SPOUT1: variants seen among roughly 807,000 people sequenced by gnomAD.
The protein encoded by SPOUT1 is SPOUT domain containing methyltransferase 1.
A neutral mutation model predicts 54.8 loss-of-function variants in SPOUT1; 40 were observed. That is an observed-to-expected ratio of 0.73 (90% CI 0.57 to 0.95). The LOEUF is 0.95. Among genes scored for constraint, SPOUT1 ranks in the 40% least tolerant of loss-of-function variants. The pLI is 0.00. For missense variants in SPOUT1, 437 were observed against 499.5 expected (o/e 0.87, Z 1.19); for synonymous variants, 193 against 200.3 (o/e 0.96, Z 0.31).
At position 128,822,279 on chromosome 9, in the gene SPOUT1, T is replaced by G; in HGVS notation, c.*486A>C. 3 of 1,587,058 alleles carry G rather than the reference T, an allele frequency of 1.9e-6. No individual in the cohort carries two copies. The highest frequency in any genetic ancestry group is 2.6e-6 in the Non-Finnish European group (3 of 1,166,682). On this transcript the variant is annotated 3_prime_UTR_variant, in exon 12 of 12. Coordinates refer to ENST00000361256, the MANE Select transcript of SPOUT1 (RefSeq NM_016390.4). ...GGAAGGCTGCCTGGAAGAGGTGGCT[T>G]TGGGTTCATCCAGGCCCCCTGCCCA... is the stretch of plus-strand genomic sequence containing the variant.
chr9:128,827,333 C>G, intron 3 of SPOUT1, 142 bp from the exon 4 acceptor site: 1 of 713,154 alleles, frequency 1.4e-6, no homozygotes, highest in Non-Finnish European at 2.3e-6. Flanking sequence ...AGATCCAGCT[C>G]CCCTCTCTGG....
chr9:128,822,686 G>T lies in SPOUT1; in HGVS notation c.*79C>A, dbSNP rs1564434313. The T allele has an allele frequency of 6.4e-7, 1 of 1,553,398 alleles. No homozygotes were observed. The highest frequency in any genetic ancestry group is 1.4e-5 in the African/African-American group (1 of 73,246). The stretch of plus-strand genomic sequence containing the variant: ...GGTGGTGATTTTTGGAGACAAGTCT[G>T]GTGGCGTCCGTCCCAAGTGACCTGC... On this transcript the variant is annotated 3_prime_UTR_variant, in exon 12 of 12. Coordinates refer to ENST00000361256, the MANE Select transcript of SPOUT1 (RefSeq NM_016390.4).
chr9:128,822,416 A>G lies in SPOUT1; in HGVS notation c.*349T>C, dbSNP rs550909628. On this transcript the variant is annotated 3_prime_UTR_variant, in exon 12 of 12. Coordinates refer to ENST00000361256, the MANE Select transcript of SPOUT1 (RefSeq NM_016390.4). ...GCCCACACACTTCTTCAAGGTGCTG[A>G]TCCTGGAGGCAGCAGGTGGGCAAAT... 6 of 1,609,578 alleles carry G rather than the reference A, an allele frequency of 3.7e-6. No individual in the cohort carries two copies. In the African/African-American group the frequency reaches 8.0e-5, roughly 21 times the overall value.
At position 128,825,041 on chromosome 9, in the gene SPOUT1, C is replaced by T; in HGVS notation, c.648G>A (p.Lys216=). ...FVNCGMKKEV[K]IDKNLEPGLR... is the part of the protein sequence containing the mutation. ...GCCCGGGCTCCAGGTTCTTGTCAAT[C>T]TTCACCTCCTGGGGAGAAGCCAGAA... The change falls in exon 8 of 12, where the codon AAG becomes AAA. Residue 216 remains lysine (K), a synonymous_variant. Coordinates refer to ENST00000361256, the MANE Select transcript of SPOUT1 (RefSeq NM_016390.4). 1 of 1,569,394 alleles carries T rather than the reference C, an allele frequency of 6.4e-7. No homozygotes were observed. The highest frequency in any genetic ancestry group is 8.6e-7 in the Non-Finnish European group (1 of 1,156,844).
intron 11 of SPOUT1, 68 bp from the exon 12 acceptor site, chr9:128,822,901 C>T: frequency 8.2e-7 from 1 of 1,216,208 alleles, no homozygotes; most frequent in Non-Finnish European, 1.2e-6. Context: ...CCCAGCCTGT[C>T]TTCAGTGCCT....
At position 128,823,846 on chromosome 9, in the gene SPOUT1, C is replaced by T. The variant is rs1467056388; in HGVS notation, c.963G>A (p.Ala321=). 7 of 1,612,970 alleles carry T rather than the reference C, an allele frequency of 4.3e-6. No individual in the cohort carries two copies. Among genetic ancestry groups the T allele is most frequent in the African/African-American group, 4.0e-5 (3 of 74,902 alleles). The change falls in exon 11 of 12, where the codon GCG becomes GCA. Residue 321 remains alanine (A), a synonymous_variant. Coordinates refer to ENST00000361256, the MANE Select transcript of SPOUT1 (RefSeq NM_016390.4). ...FGGLQGLEAG[A]DADPNLEVAE... ...CCACCTCCAGGTTGGGGTCAGCATC[C>T]GCTCCAGCTTCCAGACCCTGGAGGC... is the stretch of plus-strand genomic sequence containing the variant.
chr9:128,829,162 A>G lies in SPOUT1; in HGVS notation c.37-7T>C. 4.3e-6 allele frequency: 7 copies of G among 1,613,028 alleles called. No homozygotes were observed. Among genetic ancestry groups the G allele is most frequent in the Non-Finnish European group, 5.9e-6 (7 of 1,179,076 alleles). On this transcript the variant is annotated splice_polypyrimidine_tract_variant and splice_region_variant and intron_variant, in intron 1 of 11. Coordinates refer to ENST00000361256, the MANE Select transcript of SPOUT1 (RefSeq NM_016390.4). ...TCCTTTGGCCGTGTTCACCCTGGAG[A>G]AGGAGTGGTAGGAGGATTATGAGTG...
rs1037787486 is a variant in SPOUT1, at chr9:128,822,266, G to C, written c.*499C>G. The C allele has an allele frequency of 3.2e-6, 5 of 1,571,108 alleles. No homozygotes were observed. Among genetic ancestry groups the C allele is most frequent in the Non-Finnish European group, 4.3e-6 (5 of 1,159,908 alleles). On this transcript the variant is annotated 3_prime_UTR_variant, in exon 12 of 12. Coordinates refer to ENST00000361256, the MANE Select transcript of SPOUT1 (RefSeq NM_016390.4). ...GAGGACAGATCAGGGAAGGCTGCCTGGAAGAGGTGGCTTTGGGTTCATCCA... is the reference window on the plus strand; with the variant it reads ...GAGGACAGATCAGGGAAGGCTGCCTCGAAGAGGTGGCTTTGGGTTCATCCA...
In SPOUT1 at chr9:128,823,729, G is replaced by A; in HGVS notation, c.1062+18C>T. 6.3e-7 allele frequency: 1 copy of A among 1,590,476 alleles called. No homozygotes were observed. Among genetic ancestry groups the A allele is most frequent in the Non-Finnish European group, 8.6e-7 (1 of 1,168,808 alleles). On this transcript the variant is annotated intron_variant, in intron 11 of 11. Transcript: ENST00000361256. ...CAAGGCCCCAGTGGCTGGCAGTCGG[G>A]GAGGCAGGCGGGCTCACCTCCGTGC...
Position 128,822,606 on chromosome 9 carries a change from AGT to A in SPOUT1, c.*157_*158del. On this transcript the variant is annotated 3_prime_UTR_variant, in exon 12 of 12. Coordinates refer to ENST00000361256, the MANE Select transcript of SPOUT1 (RefSeq NM_016390.4). ...CTCAAGGCCATCACGGCGGGCAGTA[AGT>A]GAGGGTGGAGCCCAGTGAGACTGTG... is the stretch of plus-strand genomic sequence containing the variant. 1 of 1,567,630 alleles carries A rather than the reference AGT, an allele frequency of 6.4e-7. No individual in the cohort carries two copies. Among genetic ancestry groups the A allele is most frequent in the Non-Finnish European group, 8.6e-7 (1 of 1,156,202 alleles).
chr9:128,828,560 G>A (rs1367431012), intron 3 of SPOUT1, among the ~76,000 whole-genome samples, 175 bp downstream of exon 3: 2 of 151,948 alleles, frequency 1.3e-5, no homozygotes. Flanking sequence ...TAAGCAGGAG[G>A]TCAGAACTCA....
At chr9:128,822,877 C>G (rs763248167) in intron 11 of SPOUT1, 44 bp from the exon 12 acceptor site, 1 of 1,423,804 alleles carries the variant, frequency 7.0e-7, no homozygotes, top group Non-Finnish European at 9.6e-7. Flanking sequence ...GGGGGGCTAG[C>G]GGGTGCCCCC....
chr9:128,828,980 C>A, intron 2 of SPOUT1, 120 bp from the exon 3 acceptor site: 2 of 1,528,690 alleles, frequency 1.3e-6, no homozygotes, highest in Non-Finnish European at 1.8e-6. Context: ...CCCCAGGGCT[C>A]CCGGCCCCTG....
In SPOUT1 at chr9:128,827,430, A is replaced by G. The variant is rs149522755; in HGVS notation, c.209-239T>C. Reference sequence around the variant, plus strand: ...GTGGAGCGGTTAGTAGCAATGGCCTAAGTTCACATCCTGGCTCTCCCACTT... The same window carrying G: ...GTGGAGCGGTTAGTAGCAATGGCCTGAGTTCACATCCTGGCTCTCCCACTT... On this transcript the variant is annotated intron_variant, in intron 3 of 11. Coordinates refer to ENST00000361256, the MANE Select transcript of SPOUT1 (RefSeq NM_016390.4). 3.7e-4 allele frequency among the ~76,000 whole-genome samples: 57 copies of G among 152,360 alleles called. 1 individual carries two copies. The East Asian group carries it at 0.01, about 27-fold the overall frequency.
intron 9 of SPOUT1, 117 bp from the exon 10 acceptor site, chr9:128,824,291 TGTGTGTGTGC>T (rs1315291825): frequency 6.5e-6 from 4 of 611,106 alleles, no homozygotes; most frequent in Non-Finnish European, 1.2e-5. Flanking sequence ...TGTGTGTGTG[TGTGTGTGTGC>T]GTGTGTGTAC....
intron 11 of SPOUT1, among the ~76,000 whole-genome samples, chr9:128,823,537 G>C (rs1435574963): frequency 6.6e-6 from 1 of 152,154 alleles, no homozygotes; most frequent in Non-Finnish European, 1.5e-5. Context: ...CACCCAGTCT[G>C]GGAGCACAGG....
rs1378502594 is a variant in SPOUT1 at position 128,822,726 on chromosome 9, C to T, written c.*39G>A. The T allele has an allele frequency of 1.3e-6, 2 of 1,557,160 alleles. No homozygotes were observed. Among genetic ancestry groups the T allele is most frequent in the African/African-American group, 1.4e-5 (1 of 73,438 alleles). On this transcript the variant is annotated 3_prime_UTR_variant, in exon 12 of 12. Coordinates refer to ENST00000361256, the MANE Select transcript of SPOUT1 (RefSeq NM_016390.4). ...AAGTGACCTGCAGAGCCCCTGGTTT[C>T]ACTGCTGCTTCACTGATGTCCTCGG... is the stretch of plus-strand genomic sequence containing the variant.
intron 9 of SPOUT1, 104 bp downstream of exon 9, chr9:128,824,667 G>A (rs777023640): frequency 1.8e-5 from 14 of 776,148 alleles, no homozygotes; most frequent in Non-Finnish European, 3.1e-5. Context: ...CACACAGCAA[G>A]TTGACAGGAC....
chr9:128,826,741 C>A lies in SPOUT1; in HGVS notation c.369-112G>T. ...ACTCAGGAGGCTAAGGTGGGAGGAT[C>A]ATCTGAGTGCAGCAAGTAGAGGCTG... On this transcript the variant is annotated intron_variant, in intron 4 of 11. Coordinates refer to ENST00000361256, the MANE Select transcript of SPOUT1 (RefSeq NM_016390.4). The surrounding 1 kb of genome is among the most constrained non-coding windows in gnomAD (Gnocchi z 5.5). 1 of 784,588 alleles carries A rather than the reference C, an allele frequency of 1.3e-6. No homozygotes were observed. 48.6% of individuals were successfully genotyped at this position (784,588 alleles called of 1,614,324 possible).
Sources: gnomAD v4.1 joint callset for allele counts (sites outside exome capture counted in the v4.1 genomes callset) on GRCh38, gnomAD v4.1.1 for gene constraint, Gnocchi (gnomAD v3.1) non-coding constraint, MANE v1.5 for transcripts, NCBI Gene and HGNC (gene_info 2026-07-23, HGNC 2026-07-21) for gene names.